ATAD5: variants seen among roughly 807,000 people sequenced by gnomAD.
The protein encoded by ATAD5 is ATPase family AAA domain-containing protein 5.
A neutral mutation model predicts 176.9 loss-of-function variants in ATAD5; 58 were observed. The ratio of observed to expected loss-of-function variants is 0.33; its 90% CI spans 0.27 to 0.41. ATAD5 has a LOEUF of 0.41. ATAD5 is among the 10% of genes least tolerant of loss of function. The pLI is 1.00. For missense variants in ATAD5, 1,789 were observed against 2,094.1 expected, an observed-to-expected ratio of 0.85 and a Z score of 2.84; for synonymous variants, 640 against 712.6, an observed-to-expected ratio of 0.90 and a Z score of 1.62.
At chr17:30,885,431 CT>C (rs1459774519) in intron 18 of ATAD5, among the ~76,000 whole-genome samples, 3 of 151,964 alleles carry the variant, frequency 2.0e-5, no homozygotes, top group Non-Finnish European at 4.4e-5. Flanking sequence ...CCTTTTATTT[CT>C]TTTTGTTGCC....
chr17:30,844,173 G>C, intron 5 of ATAD5, 134 bp downstream of exon 5: 1 of 825,246 alleles, frequency 1.2e-6, no homozygotes, highest in Non-Finnish European at 1.7e-6. Flanking sequence ...TTGTCACTCA[G>C]GCTGGAGTGC....
intron 19 of ATAD5, among the ~76,000 whole-genome samples, chr17:30,891,202 T>C (rs1489784595): frequency 6.6e-6 from 1 of 152,192 alleles, no homozygotes; most frequent in Non-Finnish European, 1.5e-5. Context: ...TACCAACTTA[T>C]GCTCCCATGA....
chr17:30,841,207 C>T (rs2142317395), intron 4 of ATAD5, among the ~76,000 whole-genome samples: 1 of 152,178 alleles, frequency 6.6e-6, no homozygotes, highest in Non-Finnish European at 1.5e-5. Context: ...CAGGGTTTCA[C>T]AGTGATTGGC....
At chr17:30,872,535 CTTTTTTTTTTTCTTTTTTCT>C (rs766976955) in intron 14 of ATAD5, among the ~76,000 whole-genome samples, 3 of 98,046 alleles carry the variant, frequency 3.1e-5, no homozygotes, top group African/African-American at 9.2e-5. Flanking sequence ...GTTTCTTTTT[CTTTTTTTTTTTCTTTTTTCT>C]TTTTTTTTTT....
chr17:30,887,406 A>C (rs754418662), intron 19 of ATAD5, 34 bp downstream of exon 19: 1 of 1,543,148 alleles, frequency 6.5e-7, no homozygotes, highest in African/African-American at 1.4e-5. Flanking sequence ...AATTTCTATT[A>C]TGGGACCCTA....
intron 6 of ATAD5, among the ~76,000 whole-genome samples, chr17:30,854,717 T>C (rs1480870875): frequency 1.3e-5 from 2 of 151,944 alleles, no homozygotes; most frequent in African/African-American, 4.8e-5. Flanking sequence ...GTTTCTTCTC[T>C]TTTCTGGTTT....
At position 30,835,322 on chromosome 17, in the gene ATAD5, C is replaced by T. The variant is rs141483440; in HGVS notation, c.1241C>T (p.Ala414Val). The T allele has an allele frequency of 3.4e-5, 55 of 1,613,840 alleles. No homozygotes were observed. Among genetic ancestry groups the T allele is most frequent in the Non-Finnish European group, 4.4e-5 (52 of 1,179,970 alleles). Residue 414 changes from alanine to valine, a missense_variant, in exon 2 of 23, where the codon GCA becomes GTA. Ala to Val is a moderately conservative substitution (Grantham distance 64, BLOSUM62 0). Transcript: ENST00000321990. ...MKAFRQPASDALKNGVKKSSD... is the reference protein window; with the variant it reads ...MKAFRQPASDVLKNGVKKSSD... ...GCATTTAGGCAGCCAGCATCAGATGCACTTAAAAATGGAGTTAAAAAGTCT... is the reference window on the plus strand; with the variant it reads ...GCATTTAGGCAGCCAGCATCAGATGTACTTAAAAATGGAGTTAAAAAGTCT...
At chr17:30,842,706 T>A (rs935083467) in intron 4 of ATAD5, among the ~76,000 whole-genome samples, 1 of 152,188 alleles carries the variant, frequency 6.6e-6, no homozygotes, top group East Asian at 1.9e-4. Flanking sequence ...TGTTAGTTGC[T>A]TTTTAAAAAT....
chr17:30,835,851 G>A lies in ATAD5; in HGVS notation c.1770G>A (p.Thr590=), dbSNP rs754173777. The A allele has an allele frequency of 3.7e-6, 6 of 1,613,824 alleles. No homozygotes were observed. The highest frequency in any genetic ancestry group is 1.7e-5 in the Admixed American group (1 of 59,928). ...AAGCCAGCTTGCTAAATGTTTCCAC[G>A]CCCAAGTCAACTAGAAGATCTGGAA... The part of the protein sequence containing the change: ...ESEASLLNVS[T]PKSTRRSGRI... The change falls in exon 2 of 23, where the codon ACG becomes ACA. Residue 590 remains threonine, a synonymous_variant. Coordinates refer to ENST00000321990, the MANE Select transcript of ATAD5 (RefSeq NM_024857.5).
intron 10 of ATAD5, among the ~76,000 whole-genome samples, chr17:30,862,216 C>T (rs914513770): frequency 2.6e-5 from 4 of 151,154 alleles, no homozygotes; most frequent in Non-Finnish European, 5.9e-5. Context: ...TGCCTGTAAT[C>T]CCAGCTACTT....
chr17:30,869,412 A>G, intron 13 of ATAD5, 22 bp downstream of exon 13: 1 of 1,610,170 alleles, frequency 6.2e-7, no homozygotes, highest in Non-Finnish European at 8.5e-7. Context: ...CTATGATGAG[A>G]GAATGTTAAT....
intron 3 of ATAD5, 141 bp downstream of exon 3, chr17:30,837,455 A>G (rs1905816849): frequency 1.7e-6 from 1 of 603,192 alleles, no homozygotes; most frequent in African/African-American, 1.9e-5. Context: ...CAACCCTATG[A>G]TATTTTTCAC....
At chr17:30,887,127 G>A (rs1909367006) in intron 18 of ATAD5, 65 bp from the exon 19 acceptor site, 1 of 1,349,352 alleles carries the variant, frequency 7.4e-7, no homozygotes, top group South Asian at 1.6e-5. Flanking sequence ...GATACTATTT[G>A]TATGTATTAT....
At chr17:30,868,576 C>T (rs1249166589) in intron 12 of ATAD5, among the ~76,000 whole-genome samples, 164 bp downstream of exon 12, 2 of 147,146 alleles carry the variant, frequency 1.4e-5, no homozygotes, top group African/African-American at 2.5e-5. Flanking sequence ...GGCGCAATCT[C>T]GGCTCACTGC....
At chr17:30,856,640 G>T (rs1382520727) in intron 7 of ATAD5, among the ~76,000 whole-genome samples, 1 of 152,172 alleles carries the variant, frequency 6.6e-6, no homozygotes, top group African/African-American at 2.4e-5. Context: ...GCCTCCCAAA[G>T]TGCTGGAATT....
rs1400557778 is a variant in ATAD5, at chr17:30,858,271, A to G, written c.2904A>G (p.Leu968=). ...TGAAAAAATATTTTCCCTTACTCCT[A>G]AAAAAACAAATTGAGCACCAAGTAC... ...FSLKKYFPLL[L]KKQIEHQVLS... Residue 968 remains leucine, a synonymous_variant, in exon 9 of 23, where the codon CTA becomes CTG. Coordinates refer to ENST00000321990, the MANE Select transcript of ATAD5 (RefSeq NM_024857.5). The G allele has an allele frequency of 1.3e-6, 2 of 1,586,980 alleles. No homozygotes were observed. Among genetic ancestry groups the G allele is most frequent in the African/African-American group, 1.4e-5 (1 of 74,022 alleles).
chr17:30,860,477 G>C lies in ATAD5; in HGVS notation c.3001G>C (p.Val1001Leu). 6.3e-7 allele frequency: 1 copy of C among 1,599,206 alleles called. No individual in the cohort carries two copies. The highest frequency in any genetic ancestry group is 8.5e-7 in the Non-Finnish European group (1 of 1,176,860). Reference protein sequence around the residue: ...VSHKETKRKLVEAENSKSKRK... With the variant: ...VSHKETKRKLLEAENSKSKRK... The stretch of plus-strand genomic sequence containing the variant: ...CCATAAAGAAACCAAAAGGAAACTC[G>C]TAGAAGCAGAAAATTCTAAGTCAAA... Residue 1001 changes from valine to leucine, a missense_variant, in exon 10 of 23, where the codon GTA becomes CTA. Around this residue, in one of 6 missense-constraint regions of ATAD5, gnomAD observed 487 missense variants for 573.6 expected, o/e 0.85. Transcript: ENST00000321990.
intron 7 of ATAD5, 30 bp downstream of exon 7, chr17:30,855,357 A>G (rs371431302): frequency 6.5e-7 from 1 of 1,539,154 alleles, no homozygotes; most frequent in Non-Finnish European, 8.8e-7. Flanking sequence ...TTGAATATTT[A>G]CTCTTCAGCT....
intron 10 of ATAD5, chr17:30,863,786 T>TCTTTAGTAGCTGGGACTAC (rs1487550420): frequency 1.3e-5 from 2 of 150,358 alleles, no homozygotes; most frequent in African/African-American, 4.9e-5. Context: ...TGCCTCAGCC[T>TCTTTAGTAGCTGGGACTAC]CTTTAGTAGC....
Sources: gnomAD v4.1 joint callset for allele counts (sites outside exome capture counted in the v4.1 genomes callset) on GRCh38, gnomAD v4.1.1 for gene constraint, gnomAD v4.1.1 regional missense constraint, MANE v1.5 for transcripts, NCBI Gene and HGNC (gene_info 2026-07-23, HGNC 2026-07-21) for gene names.